Variants in RAB3GAP1 observed in about 807,000 individuals in gnomAD.
RAB3GAP1 encodes the protein rab3 GTPase-activating protein catalytic subunit.
A neutral mutation model predicts 130.7 loss-of-function variants in RAB3GAP1; 86 were observed. The ratio of observed to expected loss-of-function variants is 0.66; its 90% confidence interval spans 0.55 to 0.79. The LOEUF (loss-of-function observed/expected upper bound fraction) is 0.79, where lower values mean the gene tolerates loss of function less well. RAB3GAP1 is among the 30% of genes least tolerant of loss of function. The pLI, the probability that RAB3GAP1 is intolerant of heterozygous loss-of-function variation, is 0.00. For missense variants in RAB3GAP1, 1,029 were observed against 1,169.4 expected, an observed-to-expected ratio of 0.88 and a Z score of 1.75; for synonymous variants, 367 against 401.7, an observed-to-expected ratio of 0.91 and a Z score of 1.03.
intron 3 of RAB3GAP1, among the ~76,000 whole-genome samples, chr2:135,074,333 A>G (rs1432928740): frequency 1.3e-5 from 2 of 152,234 alleles, no homozygotes; most frequent in Non-Finnish European, 2.9e-5. Flanking sequence ...CAGAAAGGAC[A>G]GGAGAGAGCC....
rs146024662 is a variant in RAB3GAP1 at position 135,077,176 on chromosome 2, A to T, written c.151-13822A>T. ...TCCTAGCTACTCGGGAGGCTGAGAC[A>T]GGAGAATTGCTTGAACCTGGGAGGT... On this transcript the variant is annotated intron_variant, in intron 3 of 23. Coordinates refer to ENST00000264158, the MANE Select transcript of RAB3GAP1 (RefSeq NM_012233.3). 5.6e-3 allele frequency among the ~76,000 whole-genome samples: 857 copies of T among 152,232 alleles called. 7 individuals are homozygous for T. Among genetic ancestry groups the T allele is most frequent in the African/African-American group, 0.02 (815 of 41,532 alleles).
At chr2:135,105,123 T>A (rs1224160327) in intron 5 of RAB3GAP1, among the ~76,000 whole-genome samples, 1 of 151,956 alleles carries the variant, frequency 6.6e-6, no homozygotes, top group African/African-American at 2.4e-5. Flanking sequence ...AGCATGCATG[T>A]AATGGGACTC....
intron 18 of RAB3GAP1, among the ~76,000 whole-genome samples, chr2:135,151,918 A>G (rs1692187565): frequency 6.6e-6 from 1 of 152,152 alleles, no homozygotes; most frequent in Non-Finnish European, 1.5e-5. Flanking sequence ...GAAACATACT[A>G]CTCCTTCTTG....
chr2:135,122,665 ATCCCATT>A (rs1420203637), intron 8 of RAB3GAP1, among the ~76,000 whole-genome samples: 3 of 152,270 alleles, frequency 2.0e-5, no homozygotes, highest in African/African-American at 7.2e-5. Flanking sequence ...CATATTTTAT[ATCCCATT>A]TTGTATAATT....
chr2:135,175,062 C>G (rs1692971233), downstream of RAB3GAP1, among the ~76,000 whole-genome samples: 1 of 152,234 alleles, frequency 6.6e-6, no homozygotes. Flanking sequence ...GAAAAAAACA[C>G]AAGCAATGGC....
intron 3 of RAB3GAP1, among the ~76,000 whole-genome samples, chr2:135,069,419 C>G (rs1465041655): frequency 6.6e-6 from 1 of 151,262 alleles, no homozygotes; most frequent in Admixed American, 6.6e-5. Flanking sequence ...ACTTTTTTTT[C>G]TTTATTTAGT....
intron 5 of RAB3GAP1, among the ~76,000 whole-genome samples, chr2:135,096,220 T>C (rs1690287790): frequency 6.6e-6 from 1 of 152,198 alleles, no homozygotes; most frequent in Non-Finnish European, 1.5e-5. Context: ...AAAGGAGACC[T>C]AGTTAAAGGA....
At chr2:135,077,238 C>G (rs1361094352) in intron 3 of RAB3GAP1, among the ~76,000 whole-genome samples, 1 of 152,016 alleles carries the variant, frequency 6.6e-6, no homozygotes. Flanking sequence ...CCACTCCACT[C>G]CAGCCTGGGC....
chr2:135,171,946 G>A (rs79290222), downstream of RAB3GAP1, among the ~76,000 whole-genome samples: 1,074 of 152,274 alleles, frequency 7.1e-3, 12 homozygotes, highest in African/African-American at 0.024. Flanking sequence ...GAGTGTACCC[G>A]GCACGTGGGA....
At chr2:135,065,691 A>G (rs1020677914) in intron 3 of RAB3GAP1, among the ~76,000 whole-genome samples, 11 of 151,846 alleles carry the variant, frequency 7.2e-5, no homozygotes, top group African/African-American at 1.2e-4. Flanking sequence ...TCTCATATGT[A>G]TGCGTGAAAA....
chr2:135,116,822 G>A (rs1690983525), intron 7 of RAB3GAP1, among the ~76,000 whole-genome samples: 1 of 152,076 alleles, frequency 6.6e-6, no homozygotes, highest in Admixed American at 6.5e-5. Flanking sequence ...AGTCATATGG[G>A]TGTTCATTAT....
chr2:135,133,459 G>A (rs561264976), intron 14 of RAB3GAP1, among the ~76,000 whole-genome samples: 4 of 152,218 alleles, frequency 2.6e-5, no homozygotes, highest in African/African-American at 9.6e-5. Flanking sequence ...TTGAGAAGTA[G>A]ATTTGATGAG....
At position 135,081,306 on chromosome 2, in the gene RAB3GAP1, CAAAAAAAAA is replaced by C. The variant is rs1169138978; in HGVS notation, c.151-9678_151-9670del. Among the ~76,000 whole-genome samples the C allele has an allele frequency of 2.3e-3, 30 of 13,212 alleles. 1 individual carries two copies. Among genetic ancestry groups the C allele is most frequent in the African/African-American group, 7.8e-3 (29 of 3,712 alleles). The allele number at this position is 13,212 out of a possible 152,430, so 8.7% of individuals were successfully genotyped here. On this transcript the variant is annotated intron_variant, in intron 3 of 23. Transcript: ENST00000264158. The stretch of plus-strand genomic sequence containing the variant: ...TGGGTGACAGAGCAAGACTCCGTCT[CAAAAAAAAA>C]AAAAAAAAAAAAATATATATATATA...
chr2:135,145,362 C>T (rs756903284), intron 17 of RAB3GAP1, among the ~76,000 whole-genome samples: 4 of 151,096 alleles, frequency 2.6e-5, no homozygotes, highest in African/African-American at 4.9e-5. Flanking sequence ...ATTAGCTAAC[C>T]TCTCTTCATA....
At position 135,124,171 on chromosome 2, in the gene RAB3GAP1, A is replaced by G; in HGVS notation, c.755A>G (p.Asp252Gly). 2 of 1,613,924 alleles carry G rather than the reference A, an allele frequency of 1.2e-6. No individual in the cohort carries two copies. The highest frequency in any genetic ancestry group is 4.5e-5 in the East Asian group (2 of 44,882). The change falls in exon 9 of 24, where the codon GAT becomes GGT. Residue 252 changes from aspartate to glycine, a missense_variant. Around this residue, in one of 3 missense-constraint regions of RAB3GAP1, gnomAD observed 510 missense variants for 532.1 expected, o/e 0.96. Transcript: ENST00000264158. Reference sequence around the variant, plus strand: ...AAATATTTCTTTTGTTTAGACATAGATGCCCTTGTAGGAGGAGAAGTTGGA... The same window carrying G: ...AAATATTTCTTTTGTTTAGACATAGGTGCCCTTGTAGGAGGAGAAGTTGGA... Reference protein sequence around the residue: ...YFWPQQPPDIDALVGGEVGGL... With the variant: ...YFWPQQPPDIGALVGGEVGGL...
chr2:135,119,985 C>T (rs1280113845), intron 7 of RAB3GAP1, among the ~76,000 whole-genome samples: 1 of 152,132 alleles, frequency 6.6e-6, no homozygotes, highest in Non-Finnish European at 1.5e-5. Flanking sequence ...CTTTTGTTAG[C>T]TGATTCATTA....
At chr2:135,058,654 T>C (rs1689087453) in intron 3 of RAB3GAP1, 1 of 152,426 alleles carries the variant, frequency 6.6e-6, no homozygotes, top group African/African-American at 2.4e-5. Flanking sequence ...GAAATTGAGG[T>C]AGAAATCAAA....
chr2:135,154,693 A>G (rs1212938584), intron 19 of RAB3GAP1, among the ~76,000 whole-genome samples: 1 of 152,190 alleles, frequency 6.6e-6, no homozygotes, highest in Admixed American at 6.5e-5. Flanking sequence ...GAACACAGGT[A>G]GGGTTTGCTA....
chr2:135,104,570 C>T (rs890174035), intron 5 of RAB3GAP1, among the ~76,000 whole-genome samples: 9 of 151,922 alleles, frequency 5.9e-5, no homozygotes, highest in South Asian at 2.1e-4. Flanking sequence ...AACCAAATGG[C>T]GGCCAGGCGT....
Sources: allele counts gnomAD v4.1 joint callset (sites outside exome capture counted in the v4.1 genomes callset), GRCh38; gene constraint gnomAD v4.1.1; regional missense constraint gnomAD v4.1.1; transcripts MANE v1.5; gene names NCBI Gene and HGNC (gene_info 2026-07-23, HGNC 2026-07-21).